The following NIPAL2 variants were observed in gnomAD, a reference collection of about 807,000 sequenced individuals.
NIPAL2 encodes the protein NIPA-like protein 2.
A neutral mutation model predicts 48.9 loss-of-function variants in NIPAL2; 43 were observed. The observed-to-expected ratio is 0.88, with a 90% CI of 0.69 to 1.13. The LOEUF (loss-of-function observed/expected upper bound fraction) is 1.13, where lower values mean the gene tolerates loss of function less well. Ranked by LOEUF, NIPAL2 falls within the 50% of genes most tolerant of loss-of-function variation. NIPAL2 has a pLI of 0.00. For synonymous variants in NIPAL2, 167 were observed against 174.6 expected, an observed-to-expected ratio of 0.96 and a Z score of 0.34; for missense variants, 446 against 461.4, an observed-to-expected ratio of 0.97 and a Z score of 0.31.
intron 5 of NIPAL2, among the ~76,000 whole-genome samples, chr8:98,215,620 G>T (rs556604747): frequency 6.6e-6 from 1 of 152,290 alleles, no homozygotes; most frequent in Admixed American, 6.5e-5. Flanking sequence ...GGCTCAGAGG[G>T]GCTAAATGAT....
At chr8:98,263,927 C>A (rs1357181634) in intron 1 of NIPAL2, among the ~76,000 whole-genome samples, 1 of 131,576 alleles carries the variant, frequency 7.6e-6, no homozygotes, top group Admixed American at 7.8e-5. Context: ...AAAAGCTTAT[C>A]CACCATGATC....
chr8:98,242,359 A>AT (rs1240889493), intron 3 of NIPAL2, among the ~76,000 whole-genome samples: 8 of 150,952 alleles, frequency 5.3e-5, no homozygotes, highest in African/African-American at 1.5e-4. Context: ...CTAGTTTTTA[A>AT]TTTTTTTTGT....
intron 6 of NIPAL2, among the ~76,000 whole-genome samples, chr8:98,205,794 A>G (rs1811004761): frequency 1.3e-5 from 2 of 152,184 alleles, no homozygotes; most frequent in Admixed American, 1.3e-4. Context: ...TCTATATGTG[A>G]GCCCTTTTGT....
chr8:98,282,723 T>G (rs148663287), intron 1 of NIPAL2, among the ~76,000 whole-genome samples: 42 of 152,248 alleles, frequency 2.8e-4, no homozygotes, highest in African/African-American at 1.0e-3. Context: ...CAGCAAACAT[T>G]GGAGACAATC....
At chr8:98,229,404 ACT>A (rs1812329838) in intron 4 of NIPAL2, among the ~76,000 whole-genome samples, 1 of 152,194 alleles carries the variant, frequency 6.6e-6, no homozygotes, top group African/African-American at 2.4e-5. Context: ...ACACAGTCTC[ACT>A]CTGTTACCCA....
intron 1 of NIPAL2, among the ~76,000 whole-genome samples, chr8:98,267,347 A>G (rs545191733): frequency 1.3e-3 from 196 of 150,734 alleles, no homozygotes; most frequent in Non-Finnish European, 2.1e-3. Context: ...TTTTTGAAAC[A>G]GGGTCTCACT....
chr8:98,254,113 A>G (rs760996078), intron 1 of NIPAL2, 26 bp from the exon 2 acceptor site: 2 of 1,566,514 alleles, frequency 1.3e-6, no homozygotes, highest in Non-Finnish European at 1.8e-6. Flanking sequence ...TTTTCCTTAA[A>G]TAATACTTGT....
chr8:98,247,534 A>T (rs1813371997), intron 3 of NIPAL2, among the ~76,000 whole-genome samples: 2 of 152,206 alleles, frequency 1.3e-5, no homozygotes, highest in South Asian at 4.1e-4. Flanking sequence ...CCCGCATCTC[A>T]CACCTTGTTG....
At chr8:98,196,324 G>A (rs1278067225) in intron 8 of NIPAL2, among the ~76,000 whole-genome samples, 1 of 152,182 alleles carries the variant, frequency 6.6e-6, no homozygotes, top group Non-Finnish European at 1.5e-5. Context: ...CAACACTCTA[G>A]CAACTATTCC....
intron 3 of NIPAL2, among the ~76,000 whole-genome samples, chr8:98,248,398 C>G (rs1813409171): frequency 6.6e-6 from 1 of 152,184 alleles, no homozygotes; most frequent in African/African-American, 2.4e-5. Flanking sequence ...GTGACAATAG[C>G]CAGTGTTGTC....
intron 3 of NIPAL2, among the ~76,000 whole-genome samples, chr8:98,247,893 A>G (rs1388616546): frequency 6.6e-6 from 1 of 152,234 alleles, no homozygotes; most frequent in Non-Finnish European, 1.5e-5. Flanking sequence ...CTGGTATATT[A>G]ATAGTTTCCC....
At chr8:98,209,284 TGTAA>T (rs1811189478) in intron 6 of NIPAL2, among the ~76,000 whole-genome samples, 2 of 151,994 alleles carry the variant, frequency 1.3e-5, no homozygotes, top group African/African-American at 4.8e-5. Context: ...TGCAAATTGT[TGTAA>T]GTGTTACAGA....
chr8:98,275,153 A>G (rs1815386957), intron 1 of NIPAL2, among the ~76,000 whole-genome samples: 1 of 152,060 alleles, frequency 6.6e-6, no homozygotes, highest in Non-Finnish European at 1.5e-5. Context: ...GATTTCACCA[A>G]TTATATATGA....
intron 1 of NIPAL2, among the ~76,000 whole-genome samples, chr8:98,283,033 C>CAGT (rs2130906060): frequency 6.6e-6 from 1 of 152,306 alleles, no homozygotes; most frequent in Non-Finnish European, 1.5e-5. Flanking sequence ...TTACATAACA[C>CAGT]AGTACATCAT....
At chr8:98,225,516 C>T (rs995042938) in intron 4 of NIPAL2, among the ~76,000 whole-genome samples, 4 of 152,146 alleles carry the variant, frequency 2.6e-5, no homozygotes, top group East Asian at 1.9e-4. Flanking sequence ...GCCCATTTGC[C>T]GAAAGGAGTA....
At chr8:98,236,818 C>A (rs1812737491) in intron 3 of NIPAL2, among the ~76,000 whole-genome samples, 1 of 121,810 alleles carries the variant, frequency 8.2e-6, no homozygotes, top group African/African-American at 3.1e-5. Flanking sequence ...CACCACTGCA[C>A]TGAAGCCTCA....
intron 4 of NIPAL2, among the ~76,000 whole-genome samples, chr8:98,235,884 AATT>A (rs1812684639): frequency 6.6e-6 from 1 of 151,344 alleles, no homozygotes; most frequent in African/African-American, 2.4e-5. Flanking sequence ...TATAATCATA[AATT>A]ATTTTATAAT....
intron 9 of NIPAL2, 47 bp downstream of exon 9, chr8:98,195,895 A>G (rs1284271496): frequency 3.7e-6 from 5 of 1,361,540 alleles, no homozygotes; most frequent in Non-Finnish European, 5.2e-6. Context: ...AATCCTACGT[A>G]AAAGTAATAG....
intron 3 of NIPAL2, among the ~76,000 whole-genome samples, chr8:98,243,779 C>T (rs1813120416): frequency 6.7e-6 from 1 of 149,366 alleles, no homozygotes; most frequent in South Asian, 2.1e-4. Flanking sequence ...CAGATTTTTA[C>T]ATGTCAGTTT....
Sources: allele counts gnomAD v4.1 joint callset (sites outside exome capture counted in the v4.1 genomes callset), GRCh38; gene constraint gnomAD v4.1.1; transcripts MANE v1.5; gene names NCBI Gene and HGNC (gene_info 2026-07-23, HGNC 2026-07-21).